Variants in ZNF709 observed in about 807,000 individuals in gnomAD.
ZNF709 encodes zinc finger protein 709.
Under a neutral mutation model 10.6 loss-of-function variants are expected in ZNF709, and 15 were observed. The observed-to-expected ratio is 1.41, with a 90% CI of 0.95 to 2.18. The LOEUF (loss-of-function observed/expected upper bound fraction) is 2.18. Ranked by LOEUF, ZNF709 falls within the 30% of genes most tolerant of loss-of-function variation. The pLI is 0.00. For missense variants in ZNF709, 589 were observed against 774.0 expected (o/e 0.76, Z 2.84); for synonymous variants, 194 against 238.8 (o/e 0.81, Z 1.73).
chr19:12,468,545 C>T (rs923924871), intron 1 of ZNF709, among the ~76,000 whole-genome samples: 4 of 151,372 alleles, frequency 2.6e-5, no homozygotes, highest in African/African-American at 9.7e-5. Context: ...TACCCAGGGA[C>T]ACAAACACTG....
In ZNF709 at chr19:12,462,493, C is replaced by G. The variant is rs971125999; in HGVS notation, c.*1503G>C. 6.6e-6 allele frequency: 1 copy of G among 152,032 alleles called. No individual in the cohort carries two copies. Among genetic ancestry groups the G allele is most frequent in the Non-Finnish European group, 1.5e-5 (1 of 68,012 alleles). 9.4% of individuals were successfully genotyped at this position (152,032 alleles called of 1,614,324 possible). A position where few individuals can be genotyped will look rare whatever the true frequency, so the allele number is the denominator to read the frequency against. On this transcript the variant is annotated 3_prime_UTR_variant, in exon 4 of 4. Coordinates refer to ENST00000397732, the MANE Select transcript of ZNF709 (RefSeq NM_152601.4). Reference sequence around the variant, plus strand: ...CAAAGTCTATTATTCAAATCACAGCCAGAAGGAATTACAAACAGCAAACAG... The same window carrying G: ...CAAAGTCTATTATTCAAATCACAGCGAGAAGGAATTACAAACAGCAAACAG...
Position 12,467,297 on chromosome 19 carries a change from G to A in ZNF709, c.4-447C>T, listed in dbSNP as rs576601716. On this transcript the variant is annotated intron_variant, in intron 1 of 3. Coordinates refer to ENST00000397732, the MANE Select transcript of ZNF709 (RefSeq NM_152601.4). Reference sequence around the variant, plus strand: ...CGATTGCAGGCGCGCGCGCCGCCACGCCTGACTGGTTTTCGTATTTTTTTT... The same window carrying A: ...CGATTGCAGGCGCGCGCGCCGCCACACCTGACTGGTTTTCGTATTTTTTTT... Among the ~76,000 whole-genome samples the A allele has an allele frequency of 2.0e-3, 300 of 152,278 alleles. 1 individual carries two copies. Among genetic ancestry groups the A allele is most frequent in the African/African-American group, 6.8e-3 (284 of 41,566 alleles).
intron 3 of ZNF709, among the ~76,000 whole-genome samples, chr19:12,466,009 T>C (rs1291702508): frequency 2.0e-5 from 3 of 151,760 alleles, no homozygotes; most frequent in Non-Finnish European, 4.4e-5. Flanking sequence ...GGCACAATCT[T>C]GGCTCACTGC....
intron 1 of ZNF709, among the ~76,000 whole-genome samples, chr19:12,468,181 G>A (rs1407316215): frequency 3.0e-4 from 45 of 152,218 alleles, no homozygotes; most frequent in Non-Finnish European, 5.1e-4. Context: ...CCACCACCCC[G>A]TCTGGGAGGT....
Position 12,465,356 on chromosome 19 carries a change from G to A in ZNF709, c.566C>T (p.Thr189Ile), listed in dbSNP as rs911555397. Reference sequence around the variant, plus strand: ...TTCATAAGGTTTCTCTCCAGTATGAGTTCTTTCATGTATTTGAAAGGAACT... The same window carrying A: ...TTCATAAGGTTTCTCTCCAGTATGAATTCTTTCATGTATTTGAAAGGAACT... ...WPSSFQIHER[T>I]HTGEKPYECK... is the part of the protein sequence containing the mutation. The change falls in exon 4 of 4, where the codon ACT becomes ATT. Residue 189 changes from threonine to isoleucine, a missense_variant. Physicochemically the swap from Thr to Ile is moderately conservative, Grantham distance 89. Around this residue, in one of 2 missense-constraint regions of ZNF709, gnomAD observed 418 missense variants for 496.3 expected, o/e 0.84. Coordinates refer to ENST00000397732, the MANE Select transcript of ZNF709 (RefSeq NM_152601.4). The A allele has an allele frequency of 3.1e-6, 5 of 1,613,192 alleles. No individual in the cohort carries two copies. The highest frequency in any genetic ancestry group is 4.2e-6 in the Non-Finnish European group (5 of 1,179,728).
intron 1 of ZNF709, among the ~76,000 whole-genome samples, chr19:12,469,576 G>A (rs1011462458): frequency 2.0e-5 from 3 of 152,004 alleles, no homozygotes; most frequent in Admixed American, 6.6e-5. Flanking sequence ...AGACCATCCT[G>A]GCTAACATGG....
chr19:12,480,337 T>C (rs146054632), intron 1 of ZNF709, among the ~76,000 whole-genome samples: 51 of 152,188 alleles, frequency 3.4e-4, no homozygotes, highest in African/African-American at 1.1e-3. Context: ...TTATCTTAAG[T>C]ATGTTAGGAT....
At chr19:12,471,424 A>T (rs1970633980) in intron 1 of ZNF709, among the ~76,000 whole-genome samples, 2 of 152,230 alleles carry the variant, frequency 1.3e-5, no homozygotes, top group African/African-American at 4.8e-5. Flanking sequence ...TAAAATTCTT[A>T]AAATAGACTT....
intron 1 of ZNF709, 120 bp from the exon 2 acceptor site, chr19:12,466,970 G>T: frequency 7.2e-7 from 1 of 1,395,636 alleles, no homozygotes; most frequent in Non-Finnish European, 9.6e-7. Context: ...TTTGTCATCA[G>T]AACTCAAATC....
intron 1 of ZNF709, among the ~76,000 whole-genome samples, chr19:12,482,304 G>A (rs12611035): frequency 0.31 from 47,022 of 151,796 alleles, 7,451 homozygotes; most frequent in South Asian, 0.43. Flanking sequence ...ACATACACAA[G>A]CTTGGGGCCC....
intron 1 of ZNF709, among the ~76,000 whole-genome samples, chr19:12,480,497 C>T (rs1970716046): frequency 6.6e-6 from 1 of 152,098 alleles, no homozygotes; most frequent in Admixed American, 6.5e-5. Flanking sequence ...TCCTCGCTAA[C>T]ACGGTGAAAC....
At chr19:12,472,739 C>T (rs1336962327) in intron 1 of ZNF709, among the ~76,000 whole-genome samples, 1 of 151,770 alleles carries the variant, frequency 6.6e-6, no homozygotes, top group Non-Finnish European at 1.5e-5. Flanking sequence ...AAAAATTAGC[C>T]AGGTGTGGTG....
In ZNF709 at chr19:12,464,247, GTTTC is replaced by G. The variant is rs751806564; in HGVS notation, c.1671_1674del (p.Glu557AspfsTer28). On this transcript the variant is annotated frameshift_variant, in exon 4 of 4. Transcript: ENST00000397732. LOFTEE classifies it low-confidence loss of function (END_TRUNC). ...TTACCACATTGTTTACACTCATAAGGTTTCTCTCCAGTGTGAGTCCTTTCATGTA... is the reference window on the plus strand; with the variant it reads ...TTACCACATTGTTTACACTCATAAGGTCTCCAGTGTGAGTCCTTTCATGTA... 6.3e-7 allele frequency: 1 copy of G among 1,597,832 alleles called. No individual in the cohort carries two copies. Among genetic ancestry groups the G allele is most frequent in the African/African-American group, 1.3e-5 (1 of 74,530 alleles).
intron 1 of ZNF709, among the ~76,000 whole-genome samples, chr19:12,475,164 A>C (rs1485551096): frequency 6.6e-6 from 1 of 151,362 alleles, no homozygotes; most frequent in Non-Finnish European, 1.5e-5. Flanking sequence ...AGGCTGAGGC[A>C]GAAGAATCGC....
chr19:12,475,722 G>T (rs893518226), intron 1 of ZNF709, among the ~76,000 whole-genome samples: 3 of 152,174 alleles, frequency 2.0e-5, no homozygotes, highest in Non-Finnish European at 4.4e-5. Context: ...GAGGAGAGGG[G>T]AGGAGAGGAG....
chr19:12,464,910 A>G lies in ZNF709; in HGVS notation c.1012T>C (p.Cys338Arg). ...RIHTGEKPYD[C>R]KECGKAFISL... ...ATGAATGCTTTCCCACATTCCTTAC[A>G]ATCATAGGGTTTCTCTCCTGTATGA... The change falls in exon 4 of 4, where the codon TGT (cysteine) becomes CGT (arginine). Residue 338 changes from cysteine (C) to arginine (R), a missense_variant. Transcript: ENST00000397732. 4 of 1,613,238 alleles carry G rather than the reference A, an allele frequency of 2.5e-6. No individual in the cohort carries two copies. Among genetic ancestry groups the G allele is most frequent in the Non-Finnish European group, 3.4e-6 (4 of 1,179,692 alleles).
chr19:12,480,672 G>A (rs1258242307), intron 1 of ZNF709, among the ~76,000 whole-genome samples: 2 of 139,890 alleles, frequency 1.4e-5, no homozygotes, highest in African/African-American at 5.2e-5. Flanking sequence ...GACAGAGCAA[G>A]ACTCCGTCTC....
intron 1 of ZNF709, among the ~76,000 whole-genome samples, chr19:12,470,760 T>C (rs1471844573): frequency 1.3e-5 from 2 of 152,044 alleles, no homozygotes; most frequent in Non-Finnish European, 2.9e-5. Context: ...ACCCCGTCTG[T>C]ACTGAAGATA....
Position 12,466,790 on chromosome 19 carries a change from C to T in ZNF709, c.64G>A (p.Gly22Ser). Residue 22 changes from glycine (G) to serine (S), a missense_variant, in exon 2 of 4, where the codon GGT (glycine) becomes AGT (serine). Gly to Ser is a moderately conservative substitution (Grantham distance 56). Around this residue, in one of 2 missense-constraint regions of ZNF709, gnomAD observed 418 missense variants for 496.3 expected, o/e 0.84. Coordinates refer to ENST00000397732, the MANE Select transcript of ZNF709 (RefSeq NM_152601.4). ...CTGTAGAGTTTCTTCTGAGAGGGAC[C>T]CAGCAAAGCCCACTCCTCCTGGGTG... ...NFTQEEWALL[G>S]PSQKKLYRDV... 6.2e-7 allele frequency: 1 copy of T among 1,613,948 alleles called. No homozygotes were observed.
Sources: gnomAD v4.1 joint callset for allele counts (sites outside exome capture counted in the v4.1 genomes callset) on GRCh38, gnomAD v4.1.1 for gene constraint, gnomAD v4.1.1 regional missense constraint, MANE v1.5 for transcripts, NCBI Gene and HGNC (gene_info 2026-07-23, HGNC 2026-07-21) for gene names.